CCDC171: variants seen among roughly 807,000 people sequenced by gnomAD.
The protein encoded by CCDC171 is coiled-coil domain-containing protein 171.
CCDC171 carries 177 observed loss-of-function variants against 168.2 expected under a neutral mutation model. The ratio of observed to expected loss-of-function variants is 1.05; its 90% confidence interval spans 0.93 to 1.19. The LOEUF (loss-of-function observed/expected upper bound fraction) is 1.19, where lower values mean the gene tolerates loss of function less well. Ranked by LOEUF, CCDC171 falls within the 50% of genes most tolerant of loss-of-function variation. CCDC171 has a pLI of 0.00. For missense variants in CCDC171, 1,991 were observed against 1,539.0 expected (o/e 1.29, Z -4.91); for synonymous variants, 687 against 540.8 (o/e 1.27, Z -3.75).
At chr9:15,587,811 A>G (rs541776356) in intron 4 of CCDC171, 54 of 265,544 alleles carry the variant, frequency 2.0e-4, no homozygotes, top group African/African-American at 1.1e-3. Context: ...AGAAGAAATC[A>G]ACTTAGAAGA....
At chr9:15,745,394 A>T (rs184648909) in intron 17 of CCDC171, 121 bp from the exon 18 acceptor site, 3 of 493,114 alleles carry the variant, frequency 6.1e-6, no homozygotes, top group Non-Finnish European at 1.0e-5. Context: ...TTTCCACATT[A>T]GGCAATGTTC....
chr9:15,946,497 A>C (rs1231443386), intron 25 of CCDC171, among the ~76,000 whole-genome samples: 1 of 151,994 alleles, frequency 6.6e-6, no homozygotes, highest in Non-Finnish European at 1.5e-5. Context: ...AGAACTACAA[A>C]CCACTGCTCA....
chr9:16,031,407 G>T (rs1166993490), intron 6 of CCDC171, among the ~76,000 whole-genome samples: 2 of 152,154 alleles, frequency 1.3e-5, no homozygotes, highest in Non-Finnish European at 1.5e-5. Flanking sequence ...ACAACATGTG[G>T]TAAGTTGTAT....
chr9:15,803,817 T>C (rs1338138693), intron 21 of CCDC171, among the ~76,000 whole-genome samples: 1 of 152,104 alleles, frequency 6.6e-6, no homozygotes, highest in Non-Finnish European at 1.5e-5. Flanking sequence ...TCAACGATAG[T>C]TTAATGGGAA....
rs535929848 is a variant in CCDC171, at chr9:15,750,374, G to A, written c.2671+4743G>A. Among the ~76,000 whole-genome samples the A allele has an allele frequency of 4.4e-4, 67 of 152,172 alleles. 1 individual carries two copies. Among genetic ancestry groups the A allele is most frequent in the Admixed American group, 8.5e-4 (13 of 15,288 alleles). On this transcript the variant is annotated intron_variant, in intron 18 of 25. Transcript: ENST00000380701. The stretch of plus-strand genomic sequence containing the variant: ...CCCAGGACCAGATGTATTCACAGCC[G>A]AATTCTACCAGAGGTACAAAGAGGA...
At chr9:15,838,474 T>G (rs903659992) in intron 21 of CCDC171, among the ~76,000 whole-genome samples, 1 of 152,212 alleles carries the variant, frequency 6.6e-6, no homozygotes. Context: ...TTCAGAAGCT[T>G]CCCATGGCCT....
chr9:16,006,695 C>A (rs1832706995), intron 3 of CCDC171, among the ~76,000 whole-genome samples: 1 of 151,442 alleles, frequency 6.6e-6, no homozygotes. Flanking sequence ...GGTTTTTTGT[C>A]CTTGCGACAG....
chr9:15,656,486 T>A (rs1279674090), intron 7 of CCDC171, among the ~76,000 whole-genome samples: 1 of 152,252 alleles, frequency 6.6e-6, no homozygotes, highest in Non-Finnish European at 1.5e-5. Flanking sequence ...ACAAGTCAAA[T>A]GTCCATCAGT....
chr9:15,804,413 C>G (rs1436407766), intron 21 of CCDC171, among the ~76,000 whole-genome samples: 1 of 149,930 alleles, frequency 6.7e-6, no homozygotes, highest in Non-Finnish European at 1.5e-5. Context: ...CCTTCAATAC[C>G]TAGTTTATTG....
chr9:15,703,360 CCTT>C (rs1588054022), intron 11 of CCDC171, among the ~76,000 whole-genome samples: 1 of 152,158 alleles, frequency 6.6e-6, no homozygotes, highest in South Asian at 2.1e-4. Flanking sequence ...GAACTAGAAA[CCTT>C]CTAGAAAGGC....
At chr9:15,576,950 G>C (rs943428621) in intron 3 of CCDC171, among the ~76,000 whole-genome samples, 6 of 152,206 alleles carry the variant, frequency 3.9e-5, no homozygotes, top group African/African-American at 1.4e-4. Context: ...GCAAGGAAAG[G>C]CTGGTTACCT....
intron 1 of CCDC171, among the ~76,000 whole-genome samples, chr9:15,561,023 G>T (rs557640818): frequency 6.6e-6 from 1 of 152,240 alleles, no homozygotes; most frequent in South Asian, 2.1e-4. Context: ...TATCACTAGC[G>T]GAAGCTCAGT....
rs1335252288 is a variant in CCDC171 at position 15,782,006 on chromosome 9, C to G, written c.3082-2503C>G. Among the ~76,000 whole-genome samples, 31 of 152,080 alleles carry G rather than the reference C, an allele frequency of 2.0e-4. 1 individual carries two copies. The highest frequency in any genetic ancestry group is 2.0e-3 in the Admixed American group (31 of 15,278). ...GCTCTAAAACTCATGCTTTTATCCA[C>G]TTCATTACAGTGGTTAGTGTTGATA... On this transcript the variant is annotated intron_variant, in intron 20 of 25. Transcript: ENST00000380701.
At chr9:15,792,877 T>C (rs1290697185) in intron 21 of CCDC171, among the ~76,000 whole-genome samples, 1 of 151,980 alleles carries the variant, frequency 6.6e-6, no homozygotes, top group Non-Finnish European at 1.5e-5. Context: ...ACATGCCAAA[T>C]TGTAAAGACC....
chr9:15,938,502 G>C (rs1363782329), intron 25 of CCDC171, among the ~76,000 whole-genome samples: 2 of 151,724 alleles, frequency 1.3e-5, no homozygotes, highest in Middle Eastern at 3.2e-3. Context: ...TGGGTCTATG[G>C]TTAAGGCCTT....
At chr9:15,679,934 A>G (rs555502485) in intron 10 of CCDC171, among the ~76,000 whole-genome samples, 94 of 152,184 alleles carry the variant, frequency 6.2e-4, no homozygotes, top group Non-Finnish European at 1.1e-3. Flanking sequence ...TTTCTTTTCC[A>G]TTAACAGATT....
the CCDC171 span, among the ~76,000 whole-genome samples, chr9:16,103,348 C>T: frequency 6.6e-6 from 1 of 152,190 alleles, no homozygotes; most frequent in Non-Finnish European, 1.5e-5. Context: ...CACCTCTGCT[C>T]TGATTTTTTG....
chr9:15,939,311 A>G (rs1274443339), intron 25 of CCDC171, among the ~76,000 whole-genome samples: 1 of 151,802 alleles, frequency 6.6e-6, no homozygotes, highest in African/African-American at 2.4e-5. Flanking sequence ...ATTTGCATAC[A>G]GAATCCTTCA....
intron 20 of CCDC171, 75 bp from the exon 21 acceptor site, chr9:15,784,434 T>G: frequency 1.1e-6 from 1 of 904,350 alleles, no homozygotes; most frequent in Non-Finnish European, 1.7e-6. Context: ...TTATATTCCT[T>G]TAGTTTTGAA....
Sources: allele counts gnomAD v4.1 joint callset (sites outside exome capture counted in the v4.1 genomes callset), GRCh38; gene constraint gnomAD v4.1.1; transcripts MANE v1.5; gene names NCBI Gene and HGNC (gene_info 2026-07-23, HGNC 2026-07-21).